The following TEC variants were observed in gnomAD, a reference collection of about 807,000 sequenced individuals.
TEC encodes tec protein tyrosine kinase.
A neutral mutation model predicts 93.0 loss-of-function variants in TEC; 72 were observed. That is an observed-to-expected ratio of 0.77 (90% CI 0.64 to 0.94). The LOEUF is 0.94. TEC is among the 40% of genes least tolerant of loss of function. The probability of loss-of-function intolerance (pLI) is 0.00; values close to 1 mark genes in which losing one functional copy is unlikely to be tolerated. For missense variants in TEC, 630 were observed against 757.9 expected (o/e 0.83, Z 1.98); for synonymous variants, 249 against 247.7 (o/e 1.01, Z -0.05).
At chr4:48,190,440 C>T (rs1722052407) in intron 2 of TEC, among the ~76,000 whole-genome samples, 1 of 152,178 alleles carries the variant, frequency 6.6e-6, no homozygotes, top group African/African-American at 2.4e-5. Context: ...TCTCTGACTC[C>T]AGGATTTCAG....
intron 11 of TEC, among the ~76,000 whole-genome samples, chr4:48,147,092 T>C (rs1380622555): frequency 6.6e-6 from 1 of 152,122 alleles, no homozygotes; most frequent in Non-Finnish European, 1.5e-5. Flanking sequence ...TATATGTTTG[T>C]TGAATGAATT....
rs1719901907 is a variant in TEC at position 48,146,264 on chromosome 4, C to T, written c.1081+61G>A. On this transcript the variant is annotated intron_variant, in intron 12 of 17. Transcript: ENST00000381501. ...TGAAATAGTACACATCCAAATTTAT[C>T]TTATGACAATGGATTCTTTTCAAGG... 4.0e-6 allele frequency: 6 copies of T among 1,509,202 alleles called. No individual in the cohort carries two copies. The South Asian group carries it at 6.9e-5, about 17-fold the overall frequency. 93.5% of individuals were successfully genotyped at this position (1,509,202 alleles called of 1,614,324 possible).
At chr4:48,149,751 A>G in intron 10 of TEC, 61 bp from the exon 11 acceptor site, 2 of 1,526,138 alleles carry the variant, frequency 1.3e-6, no homozygotes, top group African/African-American at 1.4e-5. Flanking sequence ...CATTCTTAAG[A>G]TGTTTTCTAC....
chr4:48,212,110 AAT>A lies in TEC; in HGVS notation c.138+16365_138+16366del, dbSNP rs1553892127. ...TGAGACTCTGTCTCAAAAAAAAAAA[AAT>A]ATATATATATATATATATATGTATA... On this transcript the variant is annotated intron_variant, in intron 2 of 17. Transcript: ENST00000381501. Among the ~76,000 whole-genome samples the A allele has an allele frequency of 3.7e-3, 450 of 122,226 alleles. 6 individuals carry two copies. Among genetic ancestry groups the A allele is most frequent in the East Asian group, 0.025 (108 of 4,394 alleles). 80.2% of individuals were successfully genotyped at this position (122,226 alleles called of 152,430 possible).
intron 1 of TEC, among the ~76,000 whole-genome samples, chr4:48,262,904 G>T (rs1429337837): frequency 6.6e-6 from 1 of 152,232 alleles, no homozygotes; most frequent in Non-Finnish European, 1.5e-5. Context: ...GCCATCATGG[G>T]AAGATCGAGC....
chr4:48,192,329 G>T (rs960623734), intron 2 of TEC, among the ~76,000 whole-genome samples: 1 of 152,102 alleles, frequency 6.6e-6, no homozygotes, highest in Non-Finnish European at 1.5e-5. Context: ...TTAGATCAGC[G>T]ATTACCTAGG....
intron 2 of TEC, among the ~76,000 whole-genome samples, chr4:48,225,375 C>T (rs1462159197): frequency 1.3e-5 from 2 of 152,138 alleles, no homozygotes; most frequent in Non-Finnish European, 2.9e-5. Flanking sequence ...CGGGGTTTCA[C>T]CATGTTGGCC....
chr4:48,167,369 T>C (rs1720910485), intron 7 of TEC, among the ~76,000 whole-genome samples: 1 of 152,138 alleles, frequency 6.6e-6, no homozygotes, highest in Admixed American at 6.6e-5. Context: ...ATACTGTGTA[T>C]GTGTATGCAT....
At chr4:48,163,108 G>A (rs1306656439) in intron 8 of TEC, among the ~76,000 whole-genome samples, 3 of 152,004 alleles carry the variant, frequency 2.0e-5, no homozygotes, top group Non-Finnish European at 1.5e-5. Flanking sequence ...ACATCCACGT[G>A]CCATCTGCCT....
At chr4:48,261,941 TA>T (rs1724506302) in intron 1 of TEC, among the ~76,000 whole-genome samples, 2 of 150,738 alleles carry the variant, frequency 1.3e-5, no homozygotes, top group East Asian at 4.0e-4. Context: ...TTTGTAGCCA[TA>T]AAAACTAAGA....
At chr4:48,245,967 G>A (rs1227342726) in intron 1 of TEC, among the ~76,000 whole-genome samples, 2 of 152,022 alleles carry the variant, frequency 1.3e-5, no homozygotes, top group African/African-American at 2.4e-5. Flanking sequence ...AAATTATCCT[G>A]GCATGGTGGC....
At chr4:48,139,174 C>T (rs535430915) in intron 15 of TEC, 152 bp from the exon 16 acceptor site, 22 of 649,402 alleles carry the variant, frequency 3.4e-5, no homozygotes, top group Non-Finnish European at 5.0e-5. Flanking sequence ...TCAGTGGCCA[C>T]ACCTGGTGAT....
rs941365394 is a variant in TEC, at chr4:48,167,839, G to C, written c.610C>G (p.Gln204Glu). 5 of 1,613,552 alleles carry C rather than the reference G, an allele frequency of 3.1e-6. No homozygotes were observed. Among genetic ancestry groups the C allele is most frequent in the Non-Finnish European group, 4.2e-6 (5 of 1,179,864 alleles). Residue 204 changes from glutamine (Q) to glutamate (E), a missense_variant, in exon 7 of 18, where the codon CAA becomes GAA. Physicochemically the swap from Gln to Glu is conservative, Grantham distance 29. This residue lies in a region of TEC where 335 missense variants were observed against 351.5 expected (regional missense o/e 0.95). Transcript: ENST00000381501. ...TTCTTTTCTAAAATGAGATACTCTTGGCCTCTCTCTAATCTGAGATCATGT... is the reference window on the plus strand; with the variant it reads ...TTCTTTTCTAAAATGAGATACTCTTCGCCTCTCTCTAATCTGAGATCATGT... ...EGHDLRLERG[Q>E]EYLILEKNDV... is the part of the protein sequence containing the mutation.
intron 7 of TEC, among the ~76,000 whole-genome samples, chr4:48,164,960 G>A (rs750452755): frequency 6.6e-6 from 1 of 151,996 alleles, no homozygotes; most frequent in Admixed American, 6.6e-5. Flanking sequence ...CCGAGATCAC[G>A]CCACTGCACT....
chr4:48,264,888 T>C (rs6818382), intron 1 of TEC, among the ~76,000 whole-genome samples: 141,879 of 152,164 alleles, frequency 0.93, 66,991 homozygotes, highest in East Asian at 1. Context: ...TTCCGCCCAC[T>C]TTGGCCTCCC....
chr4:48,240,376 AAAC>A (rs1723894111), intron 1 of TEC, among the ~76,000 whole-genome samples: 1 of 152,158 alleles, frequency 6.6e-6, no homozygotes, highest in Non-Finnish European at 1.5e-5. Flanking sequence ...CAAAACAGAC[AAAC>A]AACACAAGAA....
At chr4:48,161,842 G>C (rs1184693040) in intron 8 of TEC, among the ~76,000 whole-genome samples, 1 of 152,026 alleles carries the variant, frequency 6.6e-6, no homozygotes, top group Non-Finnish European at 1.5e-5. Context: ...AGAAGAACTT[G>C]GAAAGACTAG....
At chr4:48,163,858 A>G (rs1182505338) in intron 7 of TEC, 91 bp from the exon 8 acceptor site, 3 of 641,428 alleles carry the variant, frequency 4.7e-6, no homozygotes, top group African/African-American at 5.5e-5. Context: ...ATAAAGCATG[A>G]CATTGCTTAA....
At chr4:48,249,390 C>G (rs1724143062) in intron 1 of TEC, among the ~76,000 whole-genome samples, 1 of 152,184 alleles carries the variant, frequency 6.6e-6, no homozygotes, top group Non-Finnish European at 1.5e-5. Context: ...ATCTCAAGAC[C>G]ACTTTTGGCA....
Sources: gnomAD v4.1 joint callset for allele counts (sites outside exome capture counted in the v4.1 genomes callset) on GRCh38, gnomAD v4.1.1 for gene constraint, gnomAD v4.1.1 regional missense constraint, MANE v1.5 for transcripts, NCBI Gene and HGNC (gene_info 2026-07-23, HGNC 2026-07-21) for gene names.